SUSD1: variants seen among roughly 807,000 people sequenced by gnomAD.
SUSD1 encodes sushi domain containing 1.
SUSD1 carries 65 observed loss-of-function variants against 86.9 expected under a neutral mutation model. The observed-to-expected ratio is 0.75, with a 90% CI of 0.61 to 0.92. The LOEUF (loss-of-function observed/expected upper bound fraction) is 0.92, where lower values mean the gene tolerates loss of function less well. SUSD1 is among the 40% of genes least tolerant of loss of function. SUSD1 has a pLI of 0.00. For missense variants in SUSD1, 850 were observed against 929.7 expected, an observed-to-expected ratio of 0.91 and a Z score of 1.11; for synonymous variants, 346 against 350.0, an observed-to-expected ratio of 0.99 and a Z score of 0.13.
At position 112,064,055 on chromosome 9, in the gene SUSD1, G is replaced by GT. The variant is rs1828860504; in HGVS notation, c.1754-1023_1754-1022insA. Among the ~76,000 whole-genome samples, 4 of 136,994 alleles carry GT rather than the reference G, an allele frequency of 2.9e-5. No individual in the cohort carries two copies. In the South Asian group the frequency reaches 8.5e-4, roughly 29 times the overall value. 89.9% of individuals were successfully genotyped at this position (136,994 alleles called of 152,430 possible). A position where few individuals can be genotyped will look rare whatever the true frequency, so the allele number is the denominator to read the frequency against. On this transcript the variant is annotated intron_variant, in intron 12 of 16. Coordinates refer to ENST00000374270, the MANE Select transcript of SUSD1 (RefSeq NM_022486.5). ...TTTTTCTTTCTTTTTTTGGGGGGGGGGCGGGTGGGGGCTGCCTGAATGCAG... is the reference window on the plus strand; with the variant it reads ...TTTTTCTTTCTTTTTTTGGGGGGGGGTGCGGGTGGGGGCTGCCTGAATGCAG...
chr9:112,102,981 T>C (rs923542589), intron 8 of SUSD1: 2 of 334,822 alleles, frequency 6.0e-6, no homozygotes, highest in Non-Finnish European at 1.2e-5. Flanking sequence ...ATAGATTTAT[T>C]ACTAATGAAT....
At chr9:112,115,752 T>A (rs1690672209) in intron 6 of SUSD1, among the ~76,000 whole-genome samples, 1 of 139,510 alleles carries the variant, frequency 7.2e-6, no homozygotes, top group Admixed American at 8.1e-5. Context: ...GAGGTTGCAG[T>A]GAGCCAAGAT....
At chr9:112,154,004 T>C (rs1446362497) in intron 2 of SUSD1, among the ~76,000 whole-genome samples, 2 of 152,128 alleles carry the variant, frequency 1.3e-5, no homozygotes, top group Non-Finnish European at 2.9e-5. Context: ...AAACACATAA[T>C]GCATTGTGTT....
At chr9:112,091,914 G>C (rs1334661419) in intron 10 of SUSD1, among the ~76,000 whole-genome samples, 1 of 152,140 alleles carries the variant, frequency 6.6e-6, no homozygotes, top group Non-Finnish European at 1.5e-5. Context: ...ATATTACAAG[G>C]AGAGGAATTT....
chr9:112,093,783 G>A (rs1830293143), intron 10 of SUSD1, among the ~76,000 whole-genome samples: 1 of 152,174 alleles, frequency 6.6e-6, no homozygotes, highest in African/African-American at 2.4e-5. Context: ...CACCATGATG[G>A]AAGATGAGAG....
intron 10 of SUSD1, among the ~76,000 whole-genome samples, chr9:112,085,930 C>T (rs1372832598): frequency 1.3e-5 from 2 of 152,024 alleles, no homozygotes; most frequent in Admixed American, 6.6e-5. Context: ...GAGACCCTGT[C>T]TCAAAAATAA....
intron 13 of SUSD1, among the ~76,000 whole-genome samples, chr9:112,061,995 C>G (rs1828748695): frequency 6.6e-6 from 1 of 152,124 alleles, no homozygotes; most frequent in Non-Finnish European, 1.5e-5. Flanking sequence ...CCTGCCATGA[C>G]CTTTGCAAAT....
At position 112,112,808 on chromosome 9, in the gene SUSD1, A is replaced by G; in HGVS notation, c.947T>C (p.Ile316Thr). 1 of 1,613,458 alleles carries G rather than the reference A, an allele frequency of 6.2e-7. No homozygotes were observed. The highest frequency in any genetic ancestry group is 8.5e-7 in the Non-Finnish European group (1 of 1,179,392). The change falls in exon 7 of 17, where the codon ATA becomes ACA. Residue 316 changes from isoleucine to threonine, a missense_variant. Physicochemically the swap from Ile to Thr is moderately conservative, Grantham distance 89. Transcript: ENST00000374270. ...LFNDTCVRWQ[I>T]NSRRINPKIS... ...CTTGGGGTTTATTCTTCTTGAGTTT[A>G]TTTGCCATCTCACACAGGTATCATT...
intron 15 of SUSD1, among the ~76,000 whole-genome samples, chr9:112,047,244 C>T (rs915899450): frequency 5.9e-5 from 9 of 152,100 alleles, no homozygotes; most frequent in African/African-American, 1.9e-4. Context: ...GTGCTACACA[C>T]GTTCAAACAA....
intron 1 of SUSD1, among the ~76,000 whole-genome samples, chr9:112,169,877 G>T (rs1248052529): frequency 6.6e-6 from 1 of 152,052 alleles, no homozygotes; most frequent in African/African-American, 2.4e-5. Flanking sequence ...GTTTCTCCAT[G>T]TTGGTCAGGC....
At chr9:112,062,442 C>G (rs1285920053) in intron 13 of SUSD1, among the ~76,000 whole-genome samples, 2 of 152,120 alleles carry the variant, frequency 1.3e-5, no homozygotes, top group Non-Finnish European at 2.9e-5. Context: ...AGCCTGTAAT[C>G]CTAGCACTTT....
chr9:112,117,210 C>CA (rs1309787089), intron 6 of SUSD1, among the ~76,000 whole-genome samples: 7 of 152,234 alleles, frequency 4.6e-5, no homozygotes, highest in Non-Finnish European at 8.8e-5. Context: ...ACAGCCTCCT[C>CA]ATCCCCTAGC....
At chr9:112,152,645 A>C (rs1463717945) in intron 2 of SUSD1, among the ~76,000 whole-genome samples, 1 of 150,336 alleles carries the variant, frequency 6.7e-6, no homozygotes, top group Non-Finnish European at 1.5e-5. Context: ...CCTGGCCTCA[A>C]GGATTCCTTG....
At chr9:112,102,030 C>T in intron 9 of SUSD1, 146 bp downstream of exon 9, 1 of 481,608 alleles carries the variant, frequency 2.1e-6, no homozygotes, top group Non-Finnish European at 3.7e-6. Context: ...ACACCCATCT[C>T]ACATCTTACA....
chr9:112,166,365 G>C (rs187150262), intron 1 of SUSD1, among the ~76,000 whole-genome samples: 1 of 152,298 alleles, frequency 6.6e-6, no homozygotes, highest in African/African-American at 2.4e-5. Context: ...AACCAAGACA[G>C]CTGGTCATGC....
At chr9:112,137,271 G>C (rs1031472853) in intron 5 of SUSD1, among the ~76,000 whole-genome samples, 5 of 152,152 alleles carry the variant, frequency 3.3e-5, no homozygotes, top group African/African-American at 1.2e-4. Context: ...AGGGGAGGAG[G>C]AGGAGGAGGA....
chr9:112,158,217 G>C (rs1444645067), intron 1 of SUSD1, among the ~76,000 whole-genome samples: 3 of 147,676 alleles, frequency 2.0e-5, no homozygotes, highest in Non-Finnish European at 4.6e-5. Flanking sequence ...CCAGATGTCA[G>C]AGGCTAACTA....
At chr9:112,043,710 C>G (rs1827840047) in intron 15 of SUSD1, among the ~76,000 whole-genome samples, 2 of 152,122 alleles carry the variant, frequency 1.3e-5, no homozygotes, top group Non-Finnish European at 2.9e-5. Context: ...GAAAACATGG[C>G]TTATATTATT....
intron 2 of SUSD1, among the ~76,000 whole-genome samples, chr9:112,152,728 T>C (rs1833111977): frequency 6.7e-6 from 1 of 150,018 alleles, no homozygotes; most frequent in Non-Finnish European, 1.5e-5. Flanking sequence ...TATTAGCTTT[T>C]TTCTTCTATT....
Sources: gnomAD v4.1 joint callset for allele counts (sites outside exome capture counted in the v4.1 genomes callset) on GRCh38, gnomAD v4.1.1 for gene constraint, MANE v1.5 for transcripts, NCBI Gene and HGNC (gene_info 2026-07-23, HGNC 2026-07-21) for gene names.